Variants in PDXK observed in about 807,000 individuals in gnomAD.
PDXK encodes epididymis secretory sperm binding protein Li 1a.
In PDXK, 15 loss-of-function variants were observed where a neutral mutation model predicts 43.2. That is an observed-to-expected ratio of 0.35 (90% CI 0.23 to 0.53). The LOEUF is 0.53. Among genes scored for constraint, PDXK ranks in the 20% least tolerant of loss-of-function variants. The pLI is 0.92. For missense variants in PDXK, 343 were observed against 417.0 expected, an observed-to-expected ratio of 0.82 and a Z score of 1.54; for synonymous variants, 172 against 165.4, an observed-to-expected ratio of 1.04 and a Z score of -0.31.
intron 6 of PDXK, among the ~76,000 whole-genome samples, chr21:43,750,124 T>C (rs1333936114): frequency 6.6e-6 from 1 of 152,232 alleles, no homozygotes; most frequent in African/African-American, 2.4e-5. Context: ...TCGAGGCCCC[T>C]GAGCCATGGG....
At chr21:43,719,480 G>A (rs2083188187) in intron 1 of PDXK, 99 bp downstream of exon 1, 16 of 1,332,092 alleles carry the variant, frequency 1.2e-5, no homozygotes, top group Non-Finnish European at 1.6e-5. Context: ...AGGCTCGGGA[G>A]CTGCGGGCAG....
intron 1 of PDXK, among the ~76,000 whole-genome samples, chr21:43,729,935 TC>T (rs2083296301): frequency 6.6e-6 from 1 of 151,462 alleles, no homozygotes; most frequent in Admixed American, 6.6e-5. Context: ...CAGCATGAGA[TC>T]CTGTCTCAAA....
chr21:43,745,092 G>A (rs939388209), intron 4 of PDXK, among the ~76,000 whole-genome samples: 2 of 152,148 alleles, frequency 1.3e-5, no homozygotes, highest in African/African-American at 4.8e-5. Flanking sequence ...ACGAAGGCTC[G>A]TCGCGGCTGG....
In PDXK at chr21:43,759,572, A is replaced by T. The variant is rs913756147; in HGVS notation, c.*3509A>T. 1 of 154,048 alleles carries T rather than the reference A, an allele frequency of 6.5e-6. No homozygotes were observed. Among genetic ancestry groups the T allele is most frequent in the African/African-American group, 2.4e-5 (1 of 41,404 alleles). The allele number at this position is 154,048 out of a possible 1,614,324, so 9.5% of individuals were successfully genotyped here. Reference sequence around the variant, plus strand: ...TCTCCCCTGCCGCCTGCCTGGTCTCATGGGCCTCCTTCACACACCCCTCCC... The same window carrying T: ...TCTCCCCTGCCGCCTGCCTGGTCTCTTGGGCCTCCTTCACACACCCCTCCC... On this transcript the variant is annotated 3_prime_UTR_variant, in exon 11 of 11. Transcript: ENST00000291565.
At chr21:43,722,884 C>T (rs1439598913) in intron 1 of PDXK, among the ~76,000 whole-genome samples, 3 of 152,218 alleles carry the variant, frequency 2.0e-5, no homozygotes, top group South Asian at 2.1e-4. Flanking sequence ...GTTGCCCAGG[C>T]AGAAGTGCAG....
chr21:43,743,109 T>C (rs1457789741), intron 3 of PDXK, among the ~76,000 whole-genome samples: 262 of 26,136 alleles, frequency 0.01, no homozygotes, highest in Non-Finnish European at 0.011. Flanking sequence ...CCCACCTCCC[T>C]CCCCCCGCTC....
intron 8 of PDXK, among the ~76,000 whole-genome samples, chr21:43,752,905 G>A (rs957753086): frequency 1.3e-5 from 2 of 152,126 alleles, no homozygotes; most frequent in Admixed American, 6.5e-5. Flanking sequence ...CTGGGAGGAC[G>A]CGTCCACCCG....
chr21:43,746,871 G>A (rs543576744), intron 5 of PDXK, among the ~76,000 whole-genome samples: 31 of 152,234 alleles, frequency 2.0e-4, no homozygotes, highest in African/African-American at 6.0e-4. Context: ...AGTGGCTCAC[G>A]CCTGTAATCC....
intron 2 of PDXK, among the ~76,000 whole-genome samples, chr21:43,740,053 G>A (rs112642322): frequency 6.6e-6 from 1 of 150,854 alleles, no homozygotes; most frequent in African/African-American, 2.5e-5. Context: ...TCAGGGGCTT[G>A]GTCTCTGGCA....
intron 1 of PDXK, among the ~76,000 whole-genome samples, chr21:43,727,515 T>C (rs1180879759): frequency 6.6e-6 from 1 of 152,228 alleles, no homozygotes; most frequent in Non-Finnish European, 1.5e-5. Context: ...TCCCCATTCC[T>C]GAAGCAGGTG....
intron 1 of PDXK, among the ~76,000 whole-genome samples, chr21:43,733,263 C>CCA (rs2083348414): frequency 3.6e-5 from 4 of 112,366 alleles, no homozygotes; most frequent in African/African-American, 1.4e-4. Flanking sequence ...ACCCCCCCCC[C>CCA]CGCCCCCCCC....
At position 43,756,215 on chromosome 21, in the gene PDXK, C is replaced by T. The variant is rs901184800; in HGVS notation, c.*152C>T. The T allele has an allele frequency of 1.3e-5, 7 of 555,484 alleles. No individual in the cohort carries two copies. Among genetic ancestry groups the T allele is most frequent in the Admixed American group, 3.2e-5 (1 of 31,358 alleles). 34.4% of individuals were successfully genotyped at this position (555,484 alleles called of 1,614,324 possible). A position where few individuals can be genotyped will look rare whatever the true frequency, so the allele number is the denominator to read the frequency against. On this transcript the variant is annotated 3_prime_UTR_variant, in exon 11 of 11. Coordinates refer to ENST00000291565, the MANE Select transcript of PDXK (RefSeq NM_003681.5). The stretch of plus-strand genomic sequence containing the variant: ...GCATCTGCTGGTCTTCATTGTGAAA[C>T]GTGCCAGTCGTGCTTTGTGAAAAAT...
At chr21:43,736,929 C>G in intron 2 of PDXK, 1 of 700,920 alleles carries the variant, frequency 1.4e-6, no homozygotes, top group Non-Finnish European at 2.6e-6. Context: ...ACTCCACGCC[C>G]AGTCTTTTCT....
Position 43,719,301 on chromosome 21 carries a change from G to A in PDXK, c.7G>A (p.Glu3Lys), listed in dbSNP as rs2083186865. The stretch of plus-strand genomic sequence containing the variant: ...CGCCGCGGCCAGGCCCGGCATGGAG[G>A]AGGAGTGCCGGGTGCTCTCCATACA... ME[E>K]ECRVLSIQSH... The change falls in exon 1 of 11, where the codon GAG becomes AAG. Residue 3 changes from glutamate to lysine, a missense_variant. By Grantham distance (56) the Glu-to-Lys change is moderately conservative (BLOSUM62 1). Transcript: ENST00000291565. The A allele has an allele frequency of 1.3e-6, 2 of 1,482,452 alleles. No individual in the cohort carries two copies. The highest frequency in any genetic ancestry group is 2.6e-5 in the South Asian group (2 of 78,178). 91.8% of individuals were successfully genotyped at this position (1,482,452 alleles called of 1,614,324 possible). A position where few individuals can be genotyped will look rare whatever the true frequency, so the allele number is the denominator to read the frequency against.
rs1366197385 is a variant in PDXK at position 43,757,056 on chromosome 21, C to G, written c.*993C>G. ...CCCTGACCTCAGTTCTGTGCCCCAC[C>G]AAATGCCCAGGGGCAAGAGGCCACC... On this transcript the variant is annotated 3_prime_UTR_variant, in exon 11 of 11. Coordinates refer to ENST00000291565, the MANE Select transcript of PDXK (RefSeq NM_003681.5). 6.6e-6 allele frequency: 1 copy of G among 152,364 alleles called. No homozygotes were observed. The highest frequency in any genetic ancestry group is 2.4e-5 in the African/African-American group (1 of 41,474). 9.4% of individuals were successfully genotyped at this position (152,364 alleles called of 1,614,324 possible).
At chr21:43,736,695 C>T (rs1292421604) in intron 2 of PDXK, among the ~76,000 whole-genome samples, 3 of 147,532 alleles carry the variant, frequency 2.0e-5, no homozygotes, top group Non-Finnish European at 4.4e-5. Flanking sequence ...TGCAGTCCTG[C>T]GGTCATGACT....
Position 43,734,267 on chromosome 21 carries a change from G to C in PDXK, c.142+144G>C, listed in dbSNP as rs1032718304. 1 of 760,364 alleles carries C rather than the reference G, an allele frequency of 1.3e-6. No homozygotes were observed. Among genetic ancestry groups the C allele is most frequent in the Non-Finnish European group, 2.3e-6 (1 of 442,340 alleles). The allele number at this position is 760,364 out of a possible 1,614,324, so 47.1% of individuals were successfully genotyped here. A position where few individuals can be genotyped will look rare whatever the true frequency, so the allele number is the denominator to read the frequency against. On this transcript the variant is annotated intron_variant, in intron 2 of 10. Transcript: ENST00000291565. This position sits in a 1 kb window ranked among gnomAD's most constrained non-coding sequence, Gnocchi z 5.0. ...ACGGGGACCTGGAGTCCTGGGCGTC[G>C]CTCGGGCAGAGCCTGCACAGCATAT...
rs533089310 is a variant in PDXK at position 43,752,358 on chromosome 21, G to T, written c.511-160G>T. 2.6e-5 allele frequency among the ~76,000 whole-genome samples: 4 copies of T among 152,342 alleles called. No individual in the cohort carries two copies. The South Asian group carries it at 8.3e-4, about 32-fold the overall frequency. ...GACCAGGTGGCTGTCTTCCCTCCGG[G>T]AGTGCCGCCATTGGGAACGGGCTCT... On this transcript the variant is annotated intron_variant, in intron 7 of 10. Transcript: ENST00000291565.
chr21:43,729,963 AAAAC>A (rs1435228187), intron 1 of PDXK, among the ~76,000 whole-genome samples: 1 of 151,948 alleles, frequency 6.6e-6, no homozygotes, highest in Admixed American at 6.6e-5. Flanking sequence ...AAACCAAAAC[AAAAC>A]AAAAAAAACA....
Sources: allele counts gnomAD v4.1 joint callset (sites outside exome capture counted in the v4.1 genomes callset), GRCh38; gene constraint gnomAD v4.1.1; non-coding constraint Gnocchi (gnomAD v3.1); transcripts MANE v1.5; gene names NCBI Gene and HGNC (gene_info 2026-07-23, HGNC 2026-07-21).